The following ERICH3 variants were observed in gnomAD, a reference collection of about 807,000 sequenced individuals.
The protein encoded by ERICH3 is glutamate rich 3, also known as glutamate-rich protein 3.
A neutral mutation model predicts 131.1 loss-of-function variants in ERICH3; 126 were observed. That is an observed-to-expected ratio of 0.96 (90% CI 0.83 to 1.11). The LOEUF (loss-of-function observed/expected upper bound fraction) is 1.11. Ranked by LOEUF, ERICH3 falls within the 50% of genes most tolerant of loss-of-function variation. ERICH3 has a pLI of 0.00. For synonymous variants in ERICH3, 695 were observed against 644.6 expected (o/e 1.08, Z -1.18); for missense variants, 2,050 against 1,810.7 (o/e 1.13, Z -2.40).
At chr1:74,644,860 G>A (rs895747975) in intron 3 of ERICH3, among the ~76,000 whole-genome samples, 3 of 151,542 alleles carry the variant, frequency 2.0e-5, no homozygotes, top group Non-Finnish European at 2.9e-5. Context: ...ACATTTCATC[G>A]CCTCATCACC....
At chr1:74,644,039 C>T (rs565565514) in intron 3 of ERICH3, among the ~76,000 whole-genome samples, 2 of 151,658 alleles carry the variant, frequency 1.3e-5, no homozygotes, top group Middle Eastern at 3.2e-3. Context: ...TAAAAATAAG[C>T]CCCATGTAAA....
intron 9 of ERICH3, among the ~76,000 whole-genome samples, chr1:74,608,192 G>A (rs542890959): frequency 6.6e-6 from 1 of 152,030 alleles, no homozygotes; most frequent in Non-Finnish European, 1.5e-5. Flanking sequence ...GTTACACTTT[G>A]AGCTTATCAC....
rs1646436833 is a variant in ERICH3 at position 74,641,441 on chromosome 1, A to G, written c.334T>C (p.Ser112Pro). 1.9e-6 allele frequency: 3 copies of G among 1,611,422 alleles called. No individual in the cohort carries two copies. Among genetic ancestry groups the G allele is most frequent in the Non-Finnish European group, 2.5e-6 (3 of 1,179,080 alleles). ...QRFKGEHTRRSVENNMPILSP... is the reference protein window; with the variant it reads ...QRFKGEHTRRPVENNMPILSP... ...AGGATTGGCATGTTATTTTCAACAG[A>G]CCTTCTTGTGTGCTCTCCCTAGAAT... The change falls in exon 5 of 15, where the codon TCT becomes CCT. Residue 112 changes from serine to proline, a missense_variant. Transcript: ENST00000326665.
In ERICH3 at chr1:74,571,713, C is replaced by T; in HGVS notation, c.3997G>A (p.Gly1333Arg). 1 of 1,614,154 alleles carries T rather than the reference C, an allele frequency of 6.2e-7. No homozygotes were observed. Among genetic ancestry groups the T allele is most frequent in the Non-Finnish European group, 8.5e-7 (1 of 1,180,032 alleles). ...EGNTQKNEGM[G>R]GGRVVAVEVL... ...TCCACAGCCACAACCCTTCCTCCTC[C>T]CATGCCCTCATTCTTTTGTGTGTTT... is the stretch of plus-strand genomic sequence containing the variant. The change falls in exon 14 of 15, where the codon GGA becomes AGA. Residue 1333 changes from glycine to arginine, a missense_variant. Physicochemically the swap from Gly to Arg is moderately radical, Grantham distance 125 (BLOSUM62 -2). Transcript: ENST00000326665.
intron 6 of ERICH3, among the ~76,000 whole-genome samples, chr1:74,633,646 T>C (rs554219998): frequency 2.0e-5 from 3 of 152,130 alleles, no homozygotes; most frequent in East Asian, 1.9e-4. Context: ...TACTTTAATA[T>C]AACATAACAA....
chr1:74,595,320 T>C (rs1647796894), intron 11 of ERICH3, among the ~76,000 whole-genome samples: 1 of 152,036 alleles, frequency 6.6e-6, no homozygotes, highest in Non-Finnish European at 1.5e-5. Flanking sequence ...AAAATAAAAA[T>C]ATAAATTATC....
chr1:74,571,850 T>G lies in ERICH3; in HGVS notation c.3860A>C (p.Glu1287Ala). The G allele has an allele frequency of 6.2e-7, 1 of 1,612,232 alleles. No homozygotes were observed. The highest frequency in any genetic ancestry group is 8.5e-7 in the Non-Finnish European group (1 of 1,180,020). Residue 1287 changes from glutamate to alanine, a missense_variant, in exon 14 of 15, where the codon GAG (glutamate) becomes GCG (alanine). By Grantham distance (107) the Glu-to-Ala change is moderately radical. Transcript: ENST00000326665. ...EDPIMAEKFR[E>A]EAVDEDPEEE... ...CTCTGGGTCCTCATCCACCGCTTCC[T>G]CCCTGAACTTTTCTGCCATTATGGG...
chr1:74,637,199 A>T (rs1455586315), intron 5 of ERICH3, among the ~76,000 whole-genome samples: 1 of 152,042 alleles, frequency 6.6e-6, no homozygotes, highest in Non-Finnish European at 1.5e-5. Context: ...CACTAGCAAG[A>T]GATGAAATTA....
intron 5 of ERICH3, among the ~76,000 whole-genome samples, chr1:74,640,892 G>T (rs1386076918): frequency 6.6e-6 from 1 of 152,080 alleles, no homozygotes; most frequent in Non-Finnish European, 1.5e-5. Flanking sequence ...AAATCCAGAG[G>T]TCAGAAAATA....
chr1:74,631,585 T>A, intron 7 of ERICH3, 128 bp downstream of exon 7: 1 of 729,196 alleles, frequency 1.4e-6, no homozygotes, highest in Non-Finnish European at 2.3e-6. Context: ...ACTTATAAAA[T>A]TGTATTTCTT....
intron 11 of ERICH3, among the ~76,000 whole-genome samples, chr1:74,590,442 C>T (rs886181142): frequency 3.9e-5 from 6 of 152,180 alleles, no homozygotes; most frequent in African/African-American, 1.4e-4. Context: ...TGTTTTCCTG[C>T]ATCTGGACGG....
In ERICH3 at chr1:74,666,291, T is replaced by C. The variant is rs1489532751; in HGVS notation, c.23+7206A>G. ...AAGATCGAGTAGACCCATAAGAGAA[T>C]AAGAAATTATTAAAGAATCCAGATC... On this transcript the variant is annotated intron_variant, in intron 1 of 14. Coordinates refer to ENST00000326665, the MANE Select transcript of ERICH3 (RefSeq NM_001002912.5). 3.3e-5 allele frequency among the ~76,000 whole-genome samples: 5 copies of C among 152,142 alleles called. No homozygotes were observed. In the East Asian group the frequency reaches 7.7e-4, roughly 23 times the overall value.
intron 9 of ERICH3, among the ~76,000 whole-genome samples, chr1:74,607,506 A>G (rs1420885972): frequency 6.6e-6 from 1 of 152,002 alleles, no homozygotes; most frequent in East Asian, 1.9e-4. Context: ...ATGTTGCTGC[A>G]TCTTTTAAGT....
intron 8 of ERICH3, among the ~76,000 whole-genome samples, chr1:74,615,548 A>T (rs1191528242): frequency 6.6e-6 from 1 of 152,212 alleles, no homozygotes; most frequent in Non-Finnish European, 1.5e-5. Flanking sequence ...GAAAAATATC[A>T]AATGTGTTCT....
chr1:74,632,645 A>G (rs1210511186), intron 6 of ERICH3, among the ~76,000 whole-genome samples: 1 of 151,968 alleles, frequency 6.6e-6, no homozygotes, highest in Non-Finnish European at 1.5e-5. Flanking sequence ...AAGATGTTTA[A>G]CTAAAACTTG....
At chr1:74,604,109 T>C (rs1486415034) in intron 10 of ERICH3, among the ~76,000 whole-genome samples, 1 of 151,942 alleles carries the variant, frequency 6.6e-6, no homozygotes, top group Non-Finnish European at 1.5e-5. Flanking sequence ...TATTCTAAAT[T>C]CTTTGTTGTC....
intron 12 of ERICH3, among the ~76,000 whole-genome samples, chr1:74,588,645 G>A (rs1168245473): frequency 6.6e-6 from 1 of 152,116 alleles, no homozygotes; most frequent in Non-Finnish European, 1.5e-5. Context: ...AGGGGAGACA[G>A]ATGAGAGAGA....
At chr1:74,647,937 C>G (rs1417937748) in intron 2 of ERICH3, among the ~76,000 whole-genome samples, 1 of 152,080 alleles carries the variant, frequency 6.6e-6, no homozygotes, top group Non-Finnish European at 1.5e-5. Flanking sequence ...GTCTGATCTC[C>G]CCAACTAGAG....
In ERICH3 at chr1:74,572,209, CA is replaced by C; in HGVS notation, c.3500del (p.Leu1167ArgfsTer4). On this transcript the variant is annotated frameshift_variant, in exon 14 of 15. Coordinates refer to ENST00000326665, the MANE Select transcript of ERICH3 (RefSeq NM_001002912.5). LOFTEE classifies it high-confidence loss of function. ...CTTTCCTCAGAGCTGTTATGTTTTC[CA>C]GCGACTTTTCAAATCCAGGCGTTGC... ...FEATPGFEKS[L>X]ENITALRKEG... 6.2e-7 allele frequency: 1 copy of C among 1,614,142 alleles called. No individual in the cohort carries two copies. Among genetic ancestry groups the C allele is most frequent in the Non-Finnish European group, 8.5e-7 (1 of 1,180,034 alleles).
Sources: gnomAD v4.1 joint callset for allele counts (sites outside exome capture counted in the v4.1 genomes callset) on GRCh38, gnomAD v4.1.1 for gene constraint, MANE v1.5 for transcripts, NCBI Gene and HGNC (gene_info 2026-07-23, HGNC 2026-07-21) for gene names.